The following NCKAP5 variants were observed in gnomAD, a reference collection of about 807,000 sequenced individuals.
The protein encoded by NCKAP5 is nck-associated protein 5.
Under a neutral mutation model 167.0 loss-of-function variants are expected in NCKAP5, and 92 were observed. The observed-to-expected ratio is 0.55, with a 90% CI of 0.47 to 0.66. NCKAP5 has a LOEUF of 0.66. Ranked by LOEUF, NCKAP5 falls within the 30% of genes least tolerant of loss-of-function variation. The pLI is 0.00. For missense variants in NCKAP5, 2,378 were observed against 2,315.0 expected, an observed-to-expected ratio of 1.03 and a Z score of -0.56; for synonymous variants, 891 against 877.4, an observed-to-expected ratio of 1.02 and a Z score of -0.27.
At chr2:133,348,431 T>C (rs1458906289) in intron 3 of NCKAP5, among the ~76,000 whole-genome samples, 1 of 152,172 alleles carries the variant, frequency 6.6e-6, no homozygotes, top group Admixed American at 6.5e-5. Flanking sequence ...TACTCATGTA[T>C]CTACTGTGAC....
At chr2:133,584,941 AGAAGGAAGGAAGGAAGGAAG>A in the NCKAP5 span, among the ~76,000 whole-genome samples, 2,653 of 113,868 alleles carry the variant, frequency 0.023, 51 homozygotes, top group Middle Eastern at 0.058. Flanking sequence ...AAAAAAAGAA[AGAAGGAAGGAAGGAAGGAAG>A]GAAGGAAGGA....
At chr2:133,185,175 G>A (rs528933914) in intron 5 of NCKAP5, among the ~76,000 whole-genome samples, 20 of 152,080 alleles carry the variant, frequency 1.3e-4, no homozygotes, top group African/African-American at 2.9e-4. Flanking sequence ...ATTCTTCTGC[G>A]TATGGCTAGC....
chr2:133,469,128 T>C lies in NCKAP5; in HGVS notation c.69+48330A>G, dbSNP rs547903449. Among the ~76,000 whole-genome samples, 913 of 152,318 alleles carry C rather than the reference T, an allele frequency of 6.0e-3. 9 individuals are homozygous for C. The highest frequency in any genetic ancestry group is 0.021 in the African/African-American group (868 of 41,558). On this transcript the variant is annotated intron_variant, in intron 3 of 19. Coordinates refer to ENST00000409261, the MANE Select transcript of NCKAP5 (RefSeq NM_207363.3). ...TCTCGATGGTCTTTACGTTTTGGCA[T>C]GATTTTGCAGTGGCTGGTACCGGCT...
At chr2:133,353,704 C>G (rs1476639105) in intron 3 of NCKAP5, among the ~76,000 whole-genome samples, 4 of 152,120 alleles carry the variant, frequency 2.6e-5, no homozygotes, top group Non-Finnish European at 5.9e-5. Context: ...TGGAATGAGA[C>G]AGCAAAGAAA....
chr2:132,811,123 C>A (rs962948056), intron 11 of NCKAP5, among the ~76,000 whole-genome samples: 2 of 152,184 alleles, frequency 1.3e-5, no homozygotes, highest in Non-Finnish European at 2.9e-5. Context: ...GATGAAACGT[C>A]TATGGGTCTC....
intron 6 of NCKAP5, among the ~76,000 whole-genome samples, chr2:133,076,967 G>T (rs986416888): frequency 2.0e-5 from 3 of 152,156 alleles, no homozygotes; most frequent in African/African-American, 7.2e-5. Flanking sequence ...CAGAGGTCTT[G>T]TTAAGTGAGG....
At chr2:133,658,046 A>G in the NCKAP5 span, among the ~76,000 whole-genome samples, 1,242 of 152,268 alleles carry the variant, frequency 8.2e-3, 20 homozygotes, top group African/African-American at 0.028. Context: ...GGCTGAATCT[A>G]TGACTCGGCT....
chr2:133,010,427 C>T (rs1039983973), intron 6 of NCKAP5, among the ~76,000 whole-genome samples: 3 of 152,180 alleles, frequency 2.0e-5, no homozygotes, highest in East Asian at 1.9e-4. Context: ...CTGCTACATA[C>T]ATCCTACATC....
In NCKAP5 at chr2:132,796,657, T is replaced by A. The variant is rs1329786959; in HGVS notation, c.880A>T (p.Thr294Ser). 1.2e-6 allele frequency: 2 copies of A among 1,613,374 alleles called. No individual in the cohort carries two copies. The highest frequency in any genetic ancestry group is 1.7e-6 in the Non-Finnish European group (2 of 1,179,654). The change falls in exon 12 of 20, where the codon ACA becomes TCA. Residue 294 changes from threonine (T) to serine (S), a missense_variant. By Grantham distance (58) the Thr-to-Ser change is moderately conservative. Coordinates refer to ENST00000409261, the MANE Select transcript of NCKAP5 (RefSeq NM_207363.3). ...ACCTCAGCATCAGTTCGTGACTGTG[T>A]CAGACTTCGGTTTCTTTCCACCTCT... ...LSEVERNRSLTQSRTDAEVHE... is the reference protein window; with the variant it reads ...LSEVERNRSLSQSRTDAEVHE...
intron 11 of NCKAP5, among the ~76,000 whole-genome samples, chr2:132,843,243 C>T (rs201537572): frequency 8.5e-5 from 13 of 152,116 alleles, no homozygotes; most frequent in African/African-American, 2.9e-4. Context: ...TATATCTTTA[C>T]GTTCCTATTA....
chr2:132,958,660 T>G (rs761953427), intron 8 of NCKAP5, among the ~76,000 whole-genome samples: 15 of 152,240 alleles, frequency 9.9e-5, no homozygotes, highest in Admixed American at 3.9e-4. Context: ...TTCTTATTTC[T>G]GTTCCTTGGA....
intron 3 of NCKAP5, among the ~76,000 whole-genome samples, chr2:133,494,079 T>G (rs564962539): frequency 6.6e-6 from 1 of 152,230 alleles, no homozygotes; most frequent in South Asian, 2.1e-4. Flanking sequence ...TTTGGCCTTT[T>G]TGTTCAGAGA....
intron 4 of NCKAP5, among the ~76,000 whole-genome samples, chr2:133,283,336 T>C (rs2089994073): frequency 6.6e-6 from 1 of 152,152 alleles, no homozygotes; most frequent in Admixed American, 6.5e-5. Context: ...TTTTGTCCTT[T>C]GTTCACCCCC....
intron 5 of NCKAP5, among the ~76,000 whole-genome samples, chr2:133,178,996 T>C (rs1359781250): frequency 6.6e-6 from 1 of 151,994 alleles, no homozygotes; most frequent in Non-Finnish European, 1.5e-5. Context: ...GGAGACCTTA[T>C]CTCTACAAAA....
At chr2:133,447,821 T>C (rs1007586390) in intron 3 of NCKAP5, among the ~76,000 whole-genome samples, 1 of 152,120 alleles carries the variant, frequency 6.6e-6, no homozygotes, top group African/African-American at 2.4e-5. Context: ...TTTGAGACAG[T>C]GAATCATCTT....
intron 19 of NCKAP5, chr2:132,714,873 C>CG (rs1394956022): frequency 4.4e-6 from 2 of 455,626 alleles, no homozygotes; most frequent in Non-Finnish European, 8.8e-6. Flanking sequence ...GGTATGTAAG[C>CG]TCCCAGTTAT....
chr2:132,838,864 C>T (rs75746680), intron 11 of NCKAP5, among the ~76,000 whole-genome samples: 7,112 of 152,142 alleles, frequency 0.047, 362 homozygotes, highest in African/African-American at 0.12. Context: ...CCTTGGTATC[C>T]GTAACAGTAA....
At chr2:133,102,936 C>CT (rs1273616256) in intron 6 of NCKAP5, among the ~76,000 whole-genome samples, 5 of 152,176 alleles carry the variant, frequency 3.3e-5, no homozygotes, top group African/African-American at 1.2e-4. Flanking sequence ...CACCTTCCCT[C>CT]TTTGAGCCTC....
At chr2:133,615,619 C>T in the NCKAP5 span, among the ~76,000 whole-genome samples, 2 of 152,140 alleles carry the variant, frequency 1.3e-5, no homozygotes, top group Non-Finnish European at 2.9e-5. Flanking sequence ...AATATAGATG[C>T]ACCCAATACA....
Sources: gnomAD v4.1 joint callset for allele counts (sites outside exome capture counted in the v4.1 genomes callset) on GRCh38, gnomAD v4.1.1 for gene constraint, MANE v1.5 for transcripts, NCBI Gene and HGNC (gene_info 2026-07-23, HGNC 2026-07-21) for gene names.